Variants in SPAG16 observed in about 807,000 individuals in gnomAD.
SPAG16 encodes sperm-associated antigen 16 protein.
SPAG16 carries 86 observed loss-of-function variants against 80.4 expected under a neutral mutation model. The observed-to-expected ratio is 1.07, with a 90% CI of 0.90 to 1.28. The LOEUF (loss-of-function observed/expected upper bound fraction) is 1.28. SPAG16 is among the 50% of genes most tolerant of loss of function. The probability of loss-of-function intolerance (pLI) is 0.00; values close to 1 mark genes in which losing one functional copy is unlikely to be tolerated. For synonymous variants in SPAG16, 294 were observed against 265.9 expected, an observed-to-expected ratio of 1.11 and a Z score of -1.03; for missense variants, 870 against 765.3, an observed-to-expected ratio of 1.14 and a Z score of -1.61.
chr2:213,768,200 A>G (rs1025180744), intron 10 of SPAG16, among the ~76,000 whole-genome samples: 3 of 152,218 alleles, frequency 2.0e-5, no homozygotes, highest in African/African-American at 7.2e-5. Flanking sequence ...AGCATAAAGT[A>G]TTGGGGGTAA....
intron 11 of SPAG16, among the ~76,000 whole-genome samples, chr2:213,867,688 C>T (rs1023902031): frequency 1.3e-5 from 2 of 151,636 alleles, no homozygotes; most frequent in South Asian, 2.1e-4. Context: ...TTTGGGAGGC[C>T]GAGGCGGGCG....
chr2:213,593,145 C>T (rs2124932091), intron 10 of SPAG16, among the ~76,000 whole-genome samples: 1 of 152,212 alleles, frequency 6.6e-6, no homozygotes, highest in African/African-American at 2.4e-5. Context: ...ATGTCTTTTC[C>T]TGGAAGCTGC....
chr2:214,386,288 T>C (rs1277533861), intron 15 of SPAG16, among the ~76,000 whole-genome samples: 1 of 151,838 alleles, frequency 6.6e-6, no homozygotes, highest in Non-Finnish European at 1.5e-5. Flanking sequence ...GAGGCTGAGG[T>C]GGTGGGATGG....
At chr2:213,906,922 A>C (rs1439239363) in intron 11 of SPAG16, among the ~76,000 whole-genome samples, 1 of 151,722 alleles carries the variant, frequency 6.6e-6, no homozygotes, top group Non-Finnish European at 1.5e-5. Flanking sequence ...AAGAAACATA[A>C]GAGAAATGCT....
intron 10 of SPAG16, among the ~76,000 whole-genome samples, chr2:213,789,080 A>C (rs188119688): frequency 8.5e-5 from 13 of 152,092 alleles, no homozygotes; most frequent in Admixed American, 8.5e-4. Context: ...AATGCAAATA[A>C]TTTGGAAGAA....
chr2:214,019,839 G>A (rs1175945025), intron 13 of SPAG16, among the ~76,000 whole-genome samples: 3 of 152,120 alleles, frequency 2.0e-5, no homozygotes, highest in African/African-American at 7.2e-5. Context: ...AGGTTCTCGA[G>A]AGGTGACTGT....
intron 10 of SPAG16, among the ~76,000 whole-genome samples, chr2:213,789,882 C>A (rs2070582711): frequency 6.6e-6 from 1 of 151,874 alleles, no homozygotes; most frequent in African/African-American, 2.4e-5. Context: ...CTAATTTCTC[C>A]AATTTTCGGT....
intron 14 of SPAG16, among the ~76,000 whole-genome samples, chr2:214,121,663 C>G (rs1479561301): frequency 6.6e-6 from 1 of 151,804 alleles, no homozygotes; most frequent in Non-Finnish European, 1.5e-5. Context: ...CTGAACATCT[C>G]TAATCCAAAA....
At chr2:214,188,010 C>T (rs556644445) in intron 15 of SPAG16, among the ~76,000 whole-genome samples, 146 of 152,176 alleles carry the variant, frequency 9.6e-4, no homozygotes, top group African/African-American at 3.4e-3. Flanking sequence ...GCAGCAGTTC[C>T]ATCCAGAACC....
intron 15 of SPAG16, among the ~76,000 whole-genome samples, chr2:214,353,145 A>G (rs1559235947): frequency 2.0e-5 from 3 of 152,128 alleles, no homozygotes; most frequent in Non-Finnish European, 2.9e-5. Context: ...TAACTATCAA[A>G]TGTTTCTTTA....
chr2:214,012,282 A>ATTTTTTTTTTTT (rs1286363943), intron 12 of SPAG16, among the ~76,000 whole-genome samples: 8 of 50,682 alleles, frequency 1.6e-4, no homozygotes, highest in Admixed American at 5.0e-4. Context: ...ATATATATAT[A>ATTTTTTTTTTTT]TATATATTTT....
intron 13 of SPAG16, among the ~76,000 whole-genome samples, chr2:214,042,007 T>TATATATAC (rs1371293247): frequency 2.4e-4 from 24 of 101,246 alleles, no homozygotes; most frequent in Non-Finnish European, 3.2e-4. Context: ...TATATATATA[T>TATATATAC]ACACACACAC....
chr2:213,372,139 A>C (rs977632932), intron 8 of SPAG16, among the ~76,000 whole-genome samples: 1 of 151,972 alleles, frequency 6.6e-6, no homozygotes, highest in Non-Finnish European at 1.5e-5. Context: ...TTTTTTTTCA[A>C]ATTAATTTCA....
At chr2:214,312,445 T>C (rs1007601153) in intron 15 of SPAG16, among the ~76,000 whole-genome samples, 2 of 152,200 alleles carry the variant, frequency 1.3e-5, no homozygotes, top group African/African-American at 4.8e-5. Flanking sequence ...CTGGGTAAAT[T>C]TGCTCATATT....
intron 10 of SPAG16, among the ~76,000 whole-genome samples, chr2:213,854,170 C>T (rs1233358889): frequency 1.3e-5 from 2 of 152,010 alleles, no homozygotes; most frequent in Admixed American, 6.6e-5. Flanking sequence ...CAGTAATGTA[C>T]GATGTTTATC....
intron 10 of SPAG16, among the ~76,000 whole-genome samples, chr2:213,777,028 T>C (rs988144108): frequency 2.6e-5 from 4 of 152,030 alleles, no homozygotes; most frequent in Non-Finnish European, 4.4e-5. Context: ...TACTGTACAT[T>C]AACCGTAGTT....
intron 15 of SPAG16, among the ~76,000 whole-genome samples, chr2:214,404,291 T>G (rs569039291): frequency 6.6e-6 from 1 of 152,348 alleles, no homozygotes; most frequent in East Asian, 1.9e-4. Context: ...TCAGCCATAT[T>G]CTGCAACTGC....
chr2:213,464,628 C>T (rs1553537875), intron 9 of SPAG16, among the ~76,000 whole-genome samples: 2 of 152,144 alleles, frequency 1.3e-5, no homozygotes, highest in Non-Finnish European at 2.9e-5. Flanking sequence ...GGATGAAATC[C>T]ATTTGCCAGT....
At chr2:213,657,773 C>G (rs1282506070) in intron 10 of SPAG16, among the ~76,000 whole-genome samples, 1 of 152,070 alleles carries the variant, frequency 6.6e-6, no homozygotes, top group Non-Finnish European at 1.5e-5. Context: ...ACAACCTATT[C>G]TCTATAAAGA....
Sources: gnomAD v4.1 joint callset for allele counts (sites outside exome capture counted in the v4.1 genomes callset) on GRCh38, gnomAD v4.1.1 for gene constraint, MANE v1.5 for transcripts, NCBI Gene and HGNC (gene_info 2026-07-23, HGNC 2026-07-21) for gene names.